The following DOCK6 variants were observed in gnomAD, a reference collection of about 807,000 sequenced individuals.
DOCK6 encodes dedicator of cytokinesis protein 6.
A neutral mutation model predicts 230.3 loss-of-function variants in DOCK6; 167 were observed. That is an observed-to-expected ratio of 0.73 (90% CI 0.64 to 0.82). DOCK6 has a LOEUF of 0.82. Ranked by LOEUF, DOCK6 falls within the 40% of genes least tolerant of loss-of-function variation. DOCK6 has a pLI of 0.00. For missense variants in DOCK6, 2,598 were observed against 2,825.8 expected, an observed-to-expected ratio of 0.92 and a Z score of 1.83; for synonymous variants, 1,148 against 1,185.0, an observed-to-expected ratio of 0.97 and a Z score of 0.64.
chr19:11,200,344 A>G lies in DOCK6; in HGVS notation c.6065T>C (p.Leu2022Pro). Residue 2022 changes from leucine (L) to proline (P), a missense_variant, in exon 47 of 48, where the codon CTG becomes CCG. Coordinates refer to ENST00000294618, the MANE Select transcript of DOCK6 (RefSeq NM_020812.4). The surrounding 1 kb of genome is among the most constrained non-coding windows in gnomAD (Gnocchi z 4.3). ...EALQPLLTQR[L>P]PQLMAPTPPG... ...TGGGGTGGGTGCCATCAGCTGGGGC[A>G]GGCGCTGGGTAAGCAGGGGCTGCAG... is the stretch of plus-strand genomic sequence containing the variant. 6.3e-7 allele frequency: 1 copy of G among 1,577,226 alleles called. No individual in the cohort carries two copies. Among genetic ancestry groups the G allele is most frequent in the Non-Finnish European group, 8.6e-7 (1 of 1,161,622 alleles).
intron 9 of DOCK6, 39 bp downstream of exon 9, chr19:11,245,524 T>C (rs747116424): frequency 6.5e-7 from 1 of 1,529,266 alleles, no homozygotes; most frequent in South Asian, 1.2e-5. Context: ...ATCAGTGACA[T>C]TCGCCATTAC....
rs1219196053 is a variant in DOCK6 at position 11,221,970 on chromosome 19, C to T, written c.3431G>A (p.Cys1144Tyr). The change falls in exon 28 of 48, where the codon TGT becomes TAT. Residue 1144 changes from cysteine to tyrosine, a missense_variant. Coordinates refer to ENST00000294618, the MANE Select transcript of DOCK6 (RefSeq NM_020812.4). ...GTAGCGGGGGTCAGTGTCATGGCCA[C>T]ATAGCAGGCTGTGCACAGCACTGAT... ...KAISAVHSLL[C>Y]GHDTDPRYAE... The T allele has an allele frequency of 5.0e-6, 8 of 1,613,774 alleles. No individual in the cohort carries two copies. The highest frequency in any genetic ancestry group is 5.9e-6 in the Non-Finnish European group (7 of 1,179,904).
chr19:11,200,855 G>A lies in DOCK6; in HGVS notation c.5833-33C>T, dbSNP rs1215690661. Reference sequence around the variant, plus strand: ...GTGAGAGGGACTGGTGAGCCAGCCTGCATGGCACCTGGAGTCCCCCGTGCG... The same window carrying A: ...GTGAGAGGGACTGGTGAGCCAGCCTACATGGCACCTGGAGTCCCCCGTGCG... On this transcript the variant is annotated intron_variant, in intron 45 of 47. Transcript: ENST00000294618. This position sits in a 1 kb window ranked among gnomAD's most constrained non-coding sequence, Gnocchi z 4.3. 2.5e-6 allele frequency: 4 copies of A among 1,613,216 alleles called. No homozygotes were observed. Among genetic ancestry groups the A allele is most frequent in the Non-Finnish European group, 3.4e-6 (4 of 1,179,354 alleles).
Position 11,253,741 on chromosome 19 carries a change from AG to A in DOCK6, c.45-16del. 3.4e-6 allele frequency: 5 copies of A among 1,468,530 alleles called. No individual in the cohort carries two copies. The South Asian group carries it at 7.0e-5, about 21-fold the overall frequency. 91.0% of individuals were successfully genotyped at this position (1,468,530 alleles called of 1,614,324 possible). ...CGGCCACCGTCCTGGAAAGATAGGG[AG>A]GGGGCCATTGGGGACGGGAAAACTC... On this transcript the variant is annotated splice_polypyrimidine_tract_variant and intron_variant, in intron 1 of 47. Coordinates refer to ENST00000294618, the MANE Select transcript of DOCK6 (RefSeq NM_020812.4).
At chr19:11,252,577 C>T (rs2080135241) in intron 3 of DOCK6, 27 bp from the exon 4 acceptor site, 1 of 1,613,778 alleles carries the variant, frequency 6.2e-7, no homozygotes, top group Non-Finnish European at 8.5e-7. Flanking sequence ...TCAGGGTAAA[C>T]AGAGACAAGG....
In DOCK6 at chr19:11,211,844, G is replaced by A; in HGVS notation, c.4683C>T (p.Ile1561=). Residue 1561 remains isoleucine (I), a synonymous_variant, in exon 37 of 48, where the codon ATC becomes ATT. Coordinates refer to ENST00000294618, the MANE Select transcript of DOCK6 (RefSeq NM_020812.4). The part of the protein sequence containing the change: ...VQDLMFNLHM[I]LTDTVKMKEH... Reference sequence around the variant, plus strand: ...CCTTCATCTTCACCGTGTCCGTCAGGATCATGTGCAGGTTGAACATCAGGT... The same window carrying A: ...CCTTCATCTTCACCGTGTCCGTCAGAATCATGTGCAGGTTGAACATCAGGT... The A allele has an allele frequency of 6.4e-7, 1 of 1,552,796 alleles. No homozygotes were observed. Among genetic ancestry groups the A allele is most frequent in the Non-Finnish European group, 8.7e-7 (1 of 1,147,520 alleles).
chr19:11,230,418 A>G (rs1033936048), intron 22 of DOCK6, among the ~76,000 whole-genome samples: 1 of 152,194 alleles, frequency 6.6e-6, no homozygotes, highest in African/African-American at 2.4e-5. Context: ...CAGCAGTGCA[A>G]CCACAACAGG....
chr19:11,227,374 CCCA>C lies in DOCK6; in HGVS notation c.2915_2917del (p.Val972del). 6.2e-7 allele frequency: 1 copy of C among 1,613,872 alleles called. No homozygotes were observed. On this transcript the variant is annotated inframe_deletion, in exon 24 of 48. Transcript: ENST00000294618. ...GGTGATGACCTCCAGGCCCACAGAG[CCCA>C]CCAAGGCAGTGATGTCGTCCAGGAA...
chr19:11,228,979 C>A lies in DOCK6; in HGVS notation c.2775G>T (p.Glu925Asp), dbSNP rs780252450. The A allele has an allele frequency of 6.2e-7, 1 of 1,613,764 alleles. No homozygotes were observed. The highest frequency in any genetic ancestry group is 1.3e-5 in the African/African-American group (1 of 75,016). ...AGAACCAGGCGTGCTGGAGGATGGC[C>A]TCGCGTACGGCACTGCTGCTGACCA... ...QWVVSSSAVR[E>D]AILQHAWFFF... is the part of the protein sequence containing the mutation. The change falls in exon 23 of 48, where the codon GAG becomes GAT. Residue 925 changes from glutamate (E) to aspartate (D), a missense_variant. Transcript: ENST00000294618.
chr19:11,208,278 CTTTTTT>C (rs372026726), intron 39 of DOCK6: 6 of 118,324 alleles, frequency 5.1e-5, no homozygotes, highest in Admixed American at 8.7e-5. Context: ...ATTCTCCTTC[CTTTTTT>C]TTTTTTTTTT....
intron 32 of DOCK6, 92 bp downstream of exon 32, chr19:11,215,295 C>G (rs2079464500): frequency 8.5e-7 from 1 of 1,178,280 alleles, no homozygotes; most frequent in Non-Finnish European, 1.2e-6. Flanking sequence ...CTATGTTGCC[C>G]AGGCTGGTCT....
Position 11,237,631 on chromosome 19 carries a change from G to GA in DOCK6, c.1971+9dup. The stretch of plus-strand genomic sequence containing the variant: ...AGGGCTCAGGGGGAGGGAGGGAGGG[G>GA]ACGGCTCACAGTAAAGCCCACGGGT... On this transcript the variant is annotated intron_variant, in intron 17 of 47. Transcript: ENST00000294618. 1 of 541,346 alleles carries GA rather than the reference G, an allele frequency of 1.8e-6. No individual in the cohort carries two copies. The highest frequency in any genetic ancestry group is 3.6e-6 in the Non-Finnish European group (1 of 280,288). 33.5% of individuals were successfully genotyped at this position (541,346 alleles called of 1,614,324 possible). A position where few individuals can be genotyped will look rare whatever the true frequency, so the allele number is the denominator to read the frequency against.
chr19:11,245,491 C>T lies in DOCK6; in HGVS notation c.1023+72G>A, dbSNP rs116626730. ...ACCCTTCTTGGTGATGTATCTGTCT[C>T]ATTCTGTGAAGGCAGGGACTAAATC... On this transcript the variant is annotated intron_variant, in intron 9 of 47. Transcript: ENST00000294618. 2.7e-3 allele frequency: 3,915 copies of T among 1,429,128 alleles called. 34 individuals carry two copies. Among genetic ancestry groups the T allele is most frequent in the African/African-American group, 0.021 (1,467 of 70,590 alleles). The allele number at this position is 1,429,128 out of a possible 1,614,324, so 88.5% of individuals were successfully genotyped here.
rs747175432 is a variant in DOCK6 at position 11,201,450 on chromosome 19, G to T, written c.5689-398C>A. Among the ~76,000 whole-genome samples the T allele has an allele frequency of 1.3e-5, 2 of 151,430 alleles. No individual in the cohort carries two copies. Among genetic ancestry groups the T allele is most frequent in the African/African-American group, 2.4e-5 (1 of 41,180 alleles). ...GGGCCTTCTTAGATTTGGAGTCCCT[G>T]TGCCTCCCCTTTGTGAGTCTAGAAT... is the stretch of plus-strand genomic sequence containing the variant. On this transcript the variant is annotated intron_variant, in intron 44 of 47. Transcript: ENST00000294618. The surrounding 1 kb of genome is among the most constrained non-coding windows in gnomAD (Gnocchi z 4.3).
rs775672633 is a variant in DOCK6, at chr19:11,238,283, C to A, written c.1665G>T (p.Pro555=). Residue 555 remains proline (P), a synonymous_variant, in exon 15 of 48, where the codon CCG becomes CCT. Transcript: ENST00000294618. ...GGCGGCTGCTGAAGTTGAGGCTGTG[C>A]GGGTACACGTACAGCAGGTTCCTGT... The part of the protein sequence containing the change: ...TSYRNLLYVY[P]HSLNFSSRQG... 1.9e-6 allele frequency: 3 copies of A among 1,610,440 alleles called. No individual in the cohort carries two copies. Among genetic ancestry groups the A allele is most frequent in the Non-Finnish European group, 8.5e-7 (1 of 1,178,494 alleles).
intron 39 of DOCK6, chr19:11,208,416 G>C (rs2079299978): frequency 3.4e-6 from 1 of 291,066 alleles, no homozygotes; most frequent in East Asian, 6.6e-5. Flanking sequence ...GAGTAGCTGG[G>C]ATTACAGCCG....
Position 11,235,779 on chromosome 19 carries a change from T to A in DOCK6, c.2393-20A>T. ...GGTTCACTGCAGGGCAGAGCAGAGG[T>A]CAAGTTCCAGGGCCCAAGGCCTCTC... On this transcript the variant is annotated intron_variant, in intron 20 of 47. Transcript: ENST00000294618. 6.4e-7 allele frequency: 1 copy of A among 1,571,156 alleles called. No individual in the cohort carries two copies. Among genetic ancestry groups the A allele is most frequent in the Non-Finnish European group, 8.7e-7 (1 of 1,155,752 alleles).
At chr19:11,205,499 C>T (rs575307620) in intron 39 of DOCK6, among the ~76,000 whole-genome samples, 7 of 152,260 alleles carry the variant, frequency 4.6e-5, no homozygotes, top group Middle Eastern at 3.4e-3. Context: ...TGTGCCACCA[C>T]GCCCAGCTAC....
rs189147964 is a variant in DOCK6 at position 11,200,685 on chromosome 19, C to A, written c.5939+31G>T. 1 of 1,587,748 alleles carries A rather than the reference C, an allele frequency of 6.3e-7. No homozygotes were observed. The highest frequency in any genetic ancestry group is 8.6e-7 in the Non-Finnish European group (1 of 1,167,084). On this transcript the variant is annotated intron_variant, in intron 46 of 47. Transcript: ENST00000294618. The surrounding 1 kb of genome is among the most constrained non-coding windows in gnomAD (Gnocchi z 4.3). ...CAGGCCTATGCAGGTTAGGCAGACA[C>A]GAGACCCCTCCTGGGGGGTTTTGCG...
Sources: gnomAD v4.1 joint callset for allele counts (sites outside exome capture counted in the v4.1 genomes callset) on GRCh38, gnomAD v4.1.1 for gene constraint, Gnocchi (gnomAD v3.1) non-coding constraint, MANE v1.5 for transcripts, NCBI Gene and HGNC (gene_info 2026-07-23, HGNC 2026-07-21) for gene names.